Variants in CYP19A1 observed in about 807,000 individuals in gnomAD.
The protein encoded by CYP19A1 is aromatase.
Under a neutral mutation model 44.4 loss-of-function variants are expected in CYP19A1, and 32 were observed. The observed-to-expected ratio is 0.72, with a 90% confidence interval of 0.54 to 0.97. The LOEUF is 0.97. Ranked by LOEUF, CYP19A1 falls within the 50% of genes least tolerant of loss-of-function variation. The pLI is 0.00. For synonymous variants in CYP19A1, 212 were observed against 215.6 expected (o/e 0.98, Z 0.14); for missense variants, 598 against 637.8 (o/e 0.94, Z 0.67).
intron 2 of CYP19A1, among the ~76,000 whole-genome samples, chr15:51,239,721 A>AC (rs1321176132): frequency 6.6e-6 from 1 of 152,134 alleles, no homozygotes; most frequent in Non-Finnish European, 1.5e-5. Context: ...TTACAAAGGC[A>AC]CACGAGGAGC....
At chr15:51,295,770 C>CG (rs1309877606) in intron 1 of CYP19A1, among the ~76,000 whole-genome samples, 3 of 152,196 alleles carry the variant, frequency 2.0e-5, no homozygotes, top group Non-Finnish European at 4.4e-5. Context: ...CTGGGTCCCT[C>CG]GGGTCCAGTT....
intron 1 of CYP19A1, among the ~76,000 whole-genome samples, chr15:51,319,594 C>A (rs2036490904): frequency 3.3e-5 from 5 of 152,200 alleles, no homozygotes; most frequent in Admixed American, 3.3e-4. Context: ...AACCATGGAT[C>A]CACATGATTA....
intron 1 of CYP19A1, among the ~76,000 whole-genome samples, chr15:51,251,439 G>A (rs73403510): frequency 0.014 from 2,157 of 152,158 alleles, 59 homozygotes; most frequent in African/African-American, 0.048. Context: ...TTCTTGTAAC[G>A]GCAGAAACAG....
In CYP19A1 at chr15:51,212,313, C is replaced by T; in HGVS notation, c.1263+7G>A. 1 of 1,583,344 alleles carries T rather than the reference C, an allele frequency of 6.3e-7. No individual in the cohort carries two copies. Among genetic ancestry groups the T allele is most frequent in the Non-Finnish European group, 8.7e-7 (1 of 1,151,990 alleles). On this transcript the variant is annotated splice_region_variant and intron_variant, in intron 9 of 9. Transcript: ENST00000396402. ...TGGCACACTCAGTTTTAAGGAAGGG[C>T]TCTTACATTCTTTGCAAAATTTTCA... is the stretch of plus-strand genomic sequence containing the variant.
chr15:51,260,194 G>T (rs929630705), intron 1 of CYP19A1, among the ~76,000 whole-genome samples: 1 of 152,174 alleles, frequency 6.6e-6, no homozygotes, highest in Admixed American at 6.5e-5. Context: ...GATGATATAC[G>T]ACACAGATTC....
chr15:51,214,979 T>C, intron 8 of CYP19A1, 91 bp downstream of exon 8: 1 of 1,526,516 alleles, frequency 6.6e-7, no homozygotes, highest in Non-Finnish European at 8.8e-7. Context: ...ATAAAAAATT[T>C]CATGTTTGAT....
rs1432301426 is a variant in CYP19A1 at position 51,218,626 on chromosome 15, A to C, written c.658T>G (p.Tyr220Asp). The change falls in exon 6 of 10, where the codon TAT becomes GAT. Residue 220 changes from tyrosine (Y) to aspartate (D), a missense_variant. By Grantham distance (160) the Tyr-to-Asp change is radical. Coordinates refer to ENST00000396402, the MANE Select transcript of CYP19A1 (RefSeq NM_000103.4). Reference sequence around the variant, plus strand: ...AGGAGAGCTTGCCATGCATCAAAATAACCTTGGATTTTAACCACGATAGCA... The same window carrying C: ...AGGAGAGCTTGCCATGCATCAAAATCACCTTGGATTTTAACCACGATAGCA... ...ESAIVVKIQG[Y>D]FDAWQALLIK... 6.2e-7 allele frequency: 1 copy of C among 1,613,664 alleles called. No homozygotes were observed. The highest frequency in any genetic ancestry group is 8.5e-7 in the Non-Finnish European group (1 of 1,179,896).
chr15:51,265,228 G>A (rs755176254), intron 1 of CYP19A1, among the ~76,000 whole-genome samples: 9 of 152,236 alleles, frequency 5.9e-5, no homozygotes, highest in African/African-American at 2.2e-4. Flanking sequence ...TCCCCTGGCT[G>A]CGGGCAGGTC....
rs765929640 is a variant in CYP19A1, at chr15:51,218,562, T to C, written c.722A>G (p.Tyr241Cys). 7 of 1,613,564 alleles carry C rather than the reference T, an allele frequency of 4.3e-6. No individual in the cohort carries two copies. In the East Asian group the frequency reaches 1.3e-4, roughly 31 times the overall value. ...TTACACAGACTTCTCATACTTTTTG[T>C]ATAGCCAAGAAATCTTAAAGAAGAT... Reference protein sequence around the residue: ...PDIFFKISWLYKKYEKSVKDL... With the variant: ...PDIFFKISWLCKKYEKSVKDL... The change falls in exon 6 of 10, where the codon TAC becomes TGC. Residue 241 changes from tyrosine (Y) to cysteine (C), a missense_variant. Tyr to Cys is a radical substitution (Grantham distance 194). Coordinates refer to ENST00000396402, the MANE Select transcript of CYP19A1 (RefSeq NM_000103.4).
intron 8 of CYP19A1, among the ~76,000 whole-genome samples, chr15:51,213,972 A>G (rs898517977): frequency 2.0e-5 from 3 of 152,176 alleles, no homozygotes; most frequent in African/African-American, 7.2e-5. Context: ...TATCCTTGCT[A>G]TCTACCTTGC....
rs1330009587 is a variant in CYP19A1 at position 51,215,232 on chromosome 15, T to G, written c.859A>C (p.Lys287Gln). The change falls in exon 8 of 10, where the codon AAA (lysine) becomes CAA (glutamine). Residue 287 changes from lysine to glutamine, a missense_variant and splice_region_variant. Physicochemically the swap from Lys to Gln is moderately conservative, Grantham distance 53. Coordinates refer to ENST00000396402, the MANE Select transcript of CYP19A1 (RefSeq NM_000103.4). ...TTCTCTCTTGTCAGGTCACCACGTT[T>G]CTGAACAATTGGAAGATGGGAAAAA... ...DFATELILAE[K>Q]RGDLTRENVN... 4.3e-6 allele frequency: 7 copies of G among 1,613,898 alleles called. No individual in the cohort carries two copies. The highest frequency in any genetic ancestry group is 2.7e-5 in the African/African-American group (2 of 74,900).
At chr15:51,238,765 C>A (rs776376031) in intron 2 of CYP19A1, among the ~76,000 whole-genome samples, 7 of 152,180 alleles carry the variant, frequency 4.6e-5, no homozygotes, top group Non-Finnish European at 5.9e-5. Flanking sequence ...AGATTAAGAA[C>A]CTGAGTGTTC....
chr15:51,315,857 C>T (rs1340876384), intron 1 of CYP19A1: 1 of 152,236 alleles, frequency 6.6e-6, no homozygotes, highest in Non-Finnish European at 1.5e-5. Context: ...ACTTGAACTA[C>T]GTGCTGGCAA....
At chr15:51,264,527 A>G (rs2034846737) in intron 1 of CYP19A1, among the ~76,000 whole-genome samples, 1 of 152,196 alleles carries the variant, frequency 6.6e-6, no homozygotes, top group South Asian at 2.1e-4. Flanking sequence ...GACAGCAGTG[A>G]GTTGCCTGGA....
At chr15:51,322,974 C>A (rs1227958557) in intron 1 of CYP19A1, among the ~76,000 whole-genome samples, 1 of 152,234 alleles carries the variant, frequency 6.6e-6, no homozygotes, top group Non-Finnish European at 1.5e-5. Context: ...ACTTTCAAGC[C>A]TCAATAATGG....
intron 1 of CYP19A1, among the ~76,000 whole-genome samples, chr15:51,297,730 T>C (rs2036024714): frequency 6.6e-6 from 1 of 151,610 alleles, no homozygotes; most frequent in South Asian, 2.1e-4. Flanking sequence ...GTCCCAAATC[T>C]CCTATATTGG....
In CYP19A1 at chr15:51,338,548, C is replaced by G. The variant is rs1179463786; in HGVS notation, c.-92G>C. 6.6e-6 allele frequency: 1 copy of G among 152,250 alleles called. No homozygotes were observed. The highest frequency in any genetic ancestry group is 2.4e-5 in the African/African-American group (1 of 41,450). 9.4% of individuals were successfully genotyped at this position (152,250 alleles called of 1,614,324 possible). On this transcript the variant is annotated 5_prime_UTR_variant, in exon 1 of 10. Coordinates refer to ENST00000396402, the MANE Select transcript of CYP19A1 (RefSeq NM_000103.4). ...ACCTTCCGTCCTGATAGGATAAGTT[C>G]TTCTTCACCTTCCTGTTTGCCTCCA...
chr15:51,290,548 C>T (rs2035818822), intron 1 of CYP19A1, among the ~76,000 whole-genome samples: 1 of 152,110 alleles, frequency 6.6e-6, no homozygotes, highest in African/African-American at 2.4e-5. Context: ...TTCCAATTGG[C>T]CAGGTGATAT....
Position 51,227,760 on chromosome 15 carries a change from T to C in CYP19A1, c.451+19A>G. The C allele has an allele frequency of 8.4e-7, 1 of 1,190,316 alleles. No homozygotes were observed. Among genetic ancestry groups the C allele is most frequent in the Non-Finnish European group, 1.3e-6 (1 of 794,590 alleles). The allele number at this position is 1,190,316 out of a possible 1,614,324, so 73.7% of individuals were successfully genotyped here. A position where few individuals can be genotyped will look rare whatever the true frequency, so the allele number is the denominator to read the frequency against. On this transcript the variant is annotated intron_variant, in intron 4 of 9. Transcript: ENST00000396402. ...ATTCATAGACAAAAAAGATTGTAGCTAACTAAGTACCTGCTTACCTTTCAT... is the reference window on the plus strand; with the variant it reads ...ATTCATAGACAAAAAAGATTGTAGCCAACTAAGTACCTGCTTACCTTTCAT...
Sources: gnomAD v4.1 joint callset for allele counts (sites outside exome capture counted in the v4.1 genomes callset) on GRCh38, gnomAD v4.1.1 for gene constraint, MANE v1.5 for transcripts, NCBI Gene and HGNC (gene_info 2026-07-23, HGNC 2026-07-21) for gene names.